SEPTIN9: variants seen among roughly 807,000 people sequenced by gnomAD.
SEPTIN9 encodes septin-9.
Under a neutral mutation model 56.6 loss-of-function variants are expected in SEPTIN9, and 13 were observed. The ratio of observed to expected loss-of-function variants is 0.23; its 90% CI spans 0.15 to 0.37. The LOEUF is 0.37. SEPTIN9 is among the 10% of genes least tolerant of loss of function. SEPTIN9 has a pLI of 1.00. For missense variants in SEPTIN9, 650 were observed against 823.1 expected, an observed-to-expected ratio of 0.79 and a Z score of 2.57; for synonymous variants, 332 against 334.1, an observed-to-expected ratio of 0.99 and a Z score of 0.07.
rs976254824 is a variant in SEPTIN9 at position 77,476,295 on chromosome 17, G to A, written c.722-5849G>A. ...GGGCCAGGGTCAGCCCTGGGGCTGT[G>A]ATGAGTGTGAGTGCCCCTAAAGTGT... On this transcript the variant is annotated intron_variant, in intron 3 of 11. Transcript: ENST00000427177. This position sits in a 1 kb window ranked among gnomAD's most constrained non-coding sequence, Gnocchi z 6.0. Among the ~76,000 whole-genome samples the A allele has an allele frequency of 6.6e-6, 1 of 152,186 alleles. No homozygotes were observed. The highest frequency in any genetic ancestry group is 2.4e-5 in the African/African-American group (1 of 41,448).
chr17:77,353,513 G>A (rs1359652737), intron 2 of SEPTIN9, among the ~76,000 whole-genome samples: 2 of 152,112 alleles, frequency 1.3e-5, no homozygotes, highest in Non-Finnish European at 2.9e-5. Context: ...GGGCCATGTG[G>A]GAGTTGTTCA....
In SEPTIN9 at chr17:77,469,993, A is replaced by G. The variant is rs114683748; in HGVS notation, c.722-12151A>G. On this transcript the variant is annotated intron_variant, in intron 3 of 11. Coordinates refer to ENST00000427177, the MANE Select transcript of SEPTIN9 (RefSeq NM_001113491.2). ...CACTCATCCACCCATCCACCCATCT[A>G]TCTATGCACTCATCCACCCATCCAC... is the stretch of plus-strand genomic sequence containing the variant. 9.9e-3 allele frequency among the ~76,000 whole-genome samples: 1,454 copies of G among 146,406 alleles called. 20 individuals carry two copies. Among genetic ancestry groups the G allele is most frequent in the South Asian group, 0.033 (148 of 4,534 alleles).
Position 77,317,266 on chromosome 17 carries a change from C to T in SEPTIN9, c.76+10069C>T, listed in dbSNP as rs1243880431. 6.6e-6 allele frequency among the ~76,000 whole-genome samples: 1 copy of T among 152,190 alleles called. No homozygotes were observed. The highest frequency in any genetic ancestry group is 1.5e-5 in the Non-Finnish European group (1 of 68,034). Reference sequence around the variant, plus strand: ...CACCAGGCTGAAATCAGGGTGTCCACTGGGCATAGCCCTCTGGAGGCTCTA... The same window carrying T: ...CACCAGGCTGAAATCAGGGTGTCCATTGGGCATAGCCCTCTGGAGGCTCTA... On this transcript the variant is annotated intron_variant, in intron 2 of 11. Coordinates refer to ENST00000427177, the MANE Select transcript of SEPTIN9 (RefSeq NM_001113491.2). The surrounding 1 kb of genome is among the most constrained non-coding windows in gnomAD (Gnocchi z 4.2).
At position 77,433,264 on chromosome 17, in the gene SEPTIN9, C is replaced by T. The variant is rs1363581090; in HGVS notation, c.721+30561C>T. On this transcript the variant is annotated intron_variant, in intron 3 of 11. Coordinates refer to ENST00000427177, the MANE Select transcript of SEPTIN9 (RefSeq NM_001113491.2). The surrounding 1 kb of genome is among the most constrained non-coding windows in gnomAD (Gnocchi z 6.4). ...CCACGTTGCAGGGAAGGAGAGCCTC[C>T]CTTCCTGTGAGCCTAGGGAGCCCCT... Among the ~76,000 whole-genome samples the T allele has an allele frequency of 6.6e-6, 1 of 152,150 alleles. No individual in the cohort carries two copies. Among genetic ancestry groups the T allele is most frequent in the Non-Finnish European group, 1.5e-5 (1 of 68,026 alleles).
In SEPTIN9 at chr17:77,434,051, C is replaced by T. The variant is rs771562668; in HGVS notation, c.721+31348C>T. Among the ~76,000 whole-genome samples the T allele has an allele frequency of 6.6e-5, 10 of 152,184 alleles. No homozygotes were observed. The highest frequency in any genetic ancestry group is 1.2e-4 in the Non-Finnish European group (8 of 68,042). On this transcript the variant is annotated intron_variant, in intron 3 of 11. Coordinates refer to ENST00000427177, the MANE Select transcript of SEPTIN9 (RefSeq NM_001113491.2). The surrounding 1 kb of genome is among the most constrained non-coding windows in gnomAD (Gnocchi z 5.0). Reference sequence around the variant, plus strand: ...AGCGCTAAGCTGCAGCTGTTCTGTGCGTTTTTCACATTTCTCACTTCTCAA... The same window carrying T: ...AGCGCTAAGCTGCAGCTGTTCTGTGTGTTTTTCACATTTCTCACTTCTCAA...
At chr17:77,406,607 C>G (rs75717853) in intron 3 of SEPTIN9, among the ~76,000 whole-genome samples, 2,530 of 151,974 alleles carry the variant, frequency 0.017, 63 homozygotes, top group African/African-American at 0.058. Context: ...CTTCAAAATT[C>G]CTTTCATGCC....
chr17:77,295,069 G>A (rs1227899790), intron 1 of SEPTIN9, among the ~76,000 whole-genome samples: 1 of 152,218 alleles, frequency 6.6e-6, no homozygotes, highest in Non-Finnish European at 1.5e-5. Context: ...CCACGTGGCA[G>A]CAAGCCTCCG....
intron 1 of SEPTIN9, among the ~76,000 whole-genome samples, chr17:77,283,497 G>T (rs750198709): frequency 8.3e-6 from 1 of 120,490 alleles, no homozygotes; most frequent in Non-Finnish European, 1.8e-5. Context: ...ACGGGCACTC[G>T]CAGGAGTCAG....
chr17:77,406,113 C>T (rs1029760962), intron 3 of SEPTIN9, among the ~76,000 whole-genome samples: 6 of 152,212 alleles, frequency 3.9e-5, no homozygotes, highest in African/African-American at 1.2e-4. Flanking sequence ...TGAATTGCTC[C>T]CAGACTGACT....
chr17:77,478,701 G>C (rs1174524552), intron 3 of SEPTIN9, among the ~76,000 whole-genome samples: 1 of 151,964 alleles, frequency 6.6e-6, no homozygotes, highest in African/African-American at 2.4e-5. Flanking sequence ...TACTTGAGAG[G>C]CTGAGGCAGG....
intron 2 of SEPTIN9, among the ~76,000 whole-genome samples, chr17:77,328,585 C>G (rs1408932849): frequency 2.6e-5 from 4 of 152,056 alleles, no homozygotes; most frequent in Non-Finnish European, 5.9e-5. Flanking sequence ...AGGCTGGTCC[C>G]GATCTCCTGA....
At chr17:77,497,471 T>A (rs2040319474) in intron 11 of SEPTIN9, 105 bp downstream of exon 11, 1 of 1,037,066 alleles carries the variant, frequency 9.6e-7, no homozygotes, top group Admixed American at 2.0e-5. Flanking sequence ...GCAGAGTGGG[T>A]GCCCCCTGCC....
chr17:77,342,910 C>T (rs902375184), intron 2 of SEPTIN9, among the ~76,000 whole-genome samples: 2 of 152,050 alleles, frequency 1.3e-5, no homozygotes, highest in African/African-American at 4.8e-5. Context: ...GGAAGGCAGA[C>T]GTTGTGGTGA....
chr17:77,384,890 C>CACACACACACACACACA (rs1555656086), intron 2 of SEPTIN9, among the ~76,000 whole-genome samples: 1 of 147,680 alleles, frequency 6.8e-6, no homozygotes, highest in African/African-American at 2.5e-5. Context: ...CACACACACT[C>CACACACACACACACACA]CCCAGTAAAG....
intron 1 of SEPTIN9, among the ~76,000 whole-genome samples, chr17:77,290,708 G>A (rs181526040): frequency 0.089 from 13,279 of 149,034 alleles, 644 homozygotes; most frequent in Non-Finnish European, 0.11. Flanking sequence ...CCAGCTACTC[G>A]GGAGGCTGAG....
At chr17:77,412,133 A>G (rs2036327584) in intron 3 of SEPTIN9, among the ~76,000 whole-genome samples, 1 of 138,332 alleles carries the variant, frequency 7.2e-6, no homozygotes, top group Non-Finnish European at 1.5e-5. Flanking sequence ...CCCTATCAAA[A>G]AAAAAAAAAA....
At chr17:77,294,034 G>A (rs935080403) in intron 1 of SEPTIN9, among the ~76,000 whole-genome samples, 3 of 151,704 alleles carry the variant, frequency 2.0e-5, no homozygotes, top group Non-Finnish European at 4.4e-5. Context: ...AGCCCAGGAG[G>A]TCGAGGCTGC....
rs1009127437 is a variant in SEPTIN9 at position 77,317,204 on chromosome 17, C to T, written c.76+10007C>T. ...GGTCACAACAACGCCCAGCCATCCTCTCACAGCTCTGCAGGCCACACATCC... is the reference window on the plus strand; with the variant it reads ...GGTCACAACAACGCCCAGCCATCCTTTCACAGCTCTGCAGGCCACACATCC... On this transcript the variant is annotated intron_variant, in intron 2 of 11. Transcript: ENST00000427177. This position sits in a 1 kb window ranked among gnomAD's most constrained non-coding sequence, Gnocchi z 4.2. Among the ~76,000 whole-genome samples, 1 of 152,228 alleles carries T rather than the reference C, an allele frequency of 6.6e-6. No homozygotes were observed. Among genetic ancestry groups the T allele is most frequent in the Admixed American group, 6.5e-5 (1 of 15,286 alleles).
rs898140595 is a variant in SEPTIN9, at chr17:77,435,034, G to A, written c.721+32331G>A. 5.3e-5 allele frequency among the ~76,000 whole-genome samples: 8 copies of A among 152,130 alleles called. No individual in the cohort carries two copies. Among genetic ancestry groups the A allele is most frequent in the African/African-American group, 1.2e-4 (5 of 41,412 alleles). Reference sequence around the variant, plus strand: ...GTAACAAGGGCTTCCTGAGGACCCCGAGCTGTCTTAAGGGCTCTTTACCTG... The same window carrying A: ...GTAACAAGGGCTTCCTGAGGACCCCAAGCTGTCTTAAGGGCTCTTTACCTG... On this transcript the variant is annotated intron_variant, in intron 3 of 11. Transcript: ENST00000427177. This position sits in a 1 kb window ranked among gnomAD's most constrained non-coding sequence, Gnocchi z 4.5.
Sources: allele counts gnomAD v4.1 joint callset (sites outside exome capture counted in the v4.1 genomes callset), GRCh38; gene constraint gnomAD v4.1.1; non-coding constraint Gnocchi (gnomAD v3.1); transcripts MANE v1.5; gene names NCBI Gene and HGNC (gene_info 2026-07-23, HGNC 2026-07-21).